The following SUPT7L variants were observed in gnomAD, a reference collection of about 807,000 sequenced individuals.
SUPT7L encodes STAGA complex 65 subunit gamma.
In SUPT7L, 15 loss-of-function variants were observed where a neutral mutation model predicts 35.7. That is an observed-to-expected ratio of 0.42 (90% CI 0.28 to 0.65). The LOEUF is 0.65. SUPT7L is among the 30% of genes least tolerant of loss of function. The pLI is 0.23. For missense variants in SUPT7L, 434 were observed against 522.2 expected (o/e 0.83, Z 1.65); for synonymous variants, 168 against 186.2 (o/e 0.90, Z 0.79).
the SUPT7L span, among the ~76,000 whole-genome samples, chr2:27,645,294 C>G: frequency 1.3e-5 from 2 of 151,986 alleles, no homozygotes; most frequent in Non-Finnish European, 2.9e-5. Context: ...TTTTAACTTG[C>G]TTTGGTGAGC....
chr2:27,655,060 C>T (rs192340489), intron 5 of SUPT7L, among the ~76,000 whole-genome samples: 94 of 152,348 alleles, frequency 6.2e-4, no homozygotes, highest in African/African-American at 2.2e-3. Context: ...AAGGGGATAT[C>T]TTCCCAACCA....
At chr2:27,655,220 G>T in intron 5 of SUPT7L, 145 bp downstream of exon 5, 1 of 640,562 alleles carries the variant, frequency 1.6e-6, no homozygotes, top group Non-Finnish European at 2.7e-6. Flanking sequence ...TCTCTAGATA[G>T]GTGAAACTGT....
At chr2:27,644,855 G>A in the SUPT7L span, among the ~76,000 whole-genome samples, 3 of 149,562 alleles carry the variant, frequency 2.0e-5, no homozygotes, top group African/African-American at 4.9e-5. Flanking sequence ...TTGTAACAGC[G>A]ATTTGAGATG....
downstream of SUPT7L, chr2:27,650,652 GA>G: frequency 6.5e-6 from 1 of 154,286 alleles, no homozygotes; most frequent in Non-Finnish European, 1.4e-5. Flanking sequence ...AGCAGCCAAG[GA>G]AAAGGGAAAC....
At chr2:27,647,944 G>C, downstream of SUPT7L, 1 of 1,573,230 alleles carries the variant, frequency 6.4e-7, no homozygotes, top group African/African-American at 1.3e-5. Context: ...GACCACAGAG[G>C]TGAGAGGTGG....
Position 27,653,707 on chromosome 2 carries a change from A to G in SUPT7L, c.1023T>C (p.His341=), listed in dbSNP as rs1674663378. Residue 341 remains histidine (H), a synonymous_variant, in exon 6 of 6, where the codon CAT becomes CAC. Transcript: ENST00000337768. ...CACTTTCTTGAGGCTCCATTTTCAC[A>G]TGGGCCAGATTCCAAAGAGGAGAAG... ...VNASPLWNLA[H]VKMEPQESEE... is the part of the protein sequence containing the mutation. 1.9e-6 allele frequency: 3 copies of G among 1,614,198 alleles called. No individual in the cohort carries two copies. Among genetic ancestry groups the G allele is most frequent in the Non-Finnish European group, 2.5e-6 (3 of 1,180,038 alleles).
downstream of SUPT7L, among the ~76,000 whole-genome samples, chr2:27,649,445 AATAT>A (rs35605899): frequency 0.17 from 25,785 of 151,960 alleles, 2,636 homozygotes; most frequent in East Asian, 0.33. Context: ...AGCTTTAATA[AATAT>A]ATACTTTCTT....
intron 4 of SUPT7L, among the ~76,000 whole-genome samples, chr2:27,655,867 A>C (rs372745713): frequency 2.0e-5 from 3 of 152,318 alleles, no homozygotes; most frequent in East Asian, 3.9e-4. Context: ...ACTGGGACAA[A>C]AGATTACATT....
chr2:27,663,423 C>CACAG lies in SUPT7L; in HGVS notation c.-188_-185dup, dbSNP rs1212556584. 1 of 247,344 alleles carries CACAG rather than the reference C, an allele frequency of 4.0e-6. No homozygotes were observed. Among genetic ancestry groups the CACAG allele is most frequent in the African/African-American group, 2.2e-5 (1 of 44,490 alleles). 15.3% of individuals were successfully genotyped at this position (247,344 alleles called of 1,614,324 possible). On this transcript the variant is annotated 5_prime_UTR_variant, in exon 1 of 6. Coordinates refer to ENST00000337768, the MANE Select transcript of SUPT7L (RefSeq NM_014860.3). The stretch of plus-strand genomic sequence containing the variant: ...ACGGTCCGCCGGCGCAGGCGCCAAT[C>CACAG]ACAGGGTCCTGAGGTCGCCTGACGT...
chr2:27,657,300 G>A lies in SUPT7L; in HGVS notation c.744+45C>T, dbSNP rs1324368230. 8.8e-6 allele frequency: 14 copies of A among 1,588,410 alleles called. No individual in the cohort carries two copies. Among genetic ancestry groups the A allele is most frequent in the Non-Finnish European group, 1.2e-5 (14 of 1,164,420 alleles). ...TGTGGGATCCTGCTGAACACTCCGA[G>A]ATTGCACAGACATCTGTGCCCACTT... On this transcript the variant is annotated intron_variant, in intron 4 of 5. Coordinates refer to ENST00000337768, the MANE Select transcript of SUPT7L (RefSeq NM_014860.3). This position sits in a 1 kb window ranked among gnomAD's most constrained non-coding sequence, Gnocchi z 5.2.
Position 27,662,188 on chromosome 2 carries a change from T to A in SUPT7L, c.5A>T (p.Asn2Ile), listed in dbSNP as rs373802691. Residue 2 changes from asparagine to isoleucine, a missense_variant, in exon 2 of 6, where the codon AAT becomes ATT. Transcript: ENST00000337768. M[N>I]LQRYWGEIPI... ...TCTGGTTTCAACTCACCTTTGCAGA[T>A]TCATTGTCCATATGTCTCTTCAAGT... 1.3e-5 allele frequency: 21 copies of A among 1,614,012 alleles called. No homozygotes were observed. In the African/African-American group the frequency reaches 2.3e-4, roughly 17 times the overall value.
At position 27,657,672 on chromosome 2, in the gene SUPT7L, G is replaced by C. The variant is rs1558499886; in HGVS notation, c.420-3C>G. ...CAGTCACAGGTTCCCCTTTCCCACT[G>C]AAAGTGGAGATACGGTGGTGTTATT... On this transcript the variant is annotated splice_polypyrimidine_tract_variant and splice_region_variant and intron_variant, in intron 3 of 5. Transcript: ENST00000337768. The surrounding 1 kb of genome is among the most constrained non-coding windows in gnomAD (Gnocchi z 5.2). The C allele has an allele frequency of 1.2e-6, 2 of 1,609,356 alleles. No homozygotes were observed. Among genetic ancestry groups the C allele is most frequent in the Non-Finnish European group, 1.7e-6 (2 of 1,176,956 alleles).
the SUPT7L span, among the ~76,000 whole-genome samples, chr2:27,644,569 T>C: frequency 6.6e-6 from 1 of 152,114 alleles, no homozygotes; most frequent in African/African-American, 2.4e-5. Context: ...TGTCTGGTTT[T>C]ATTTTCTAAA....
In SUPT7L at chr2:27,657,436, T is replaced by TTG. The variant is rs1323408781; in HGVS notation, c.652_653insCA (p.Gln218ProfsTer57). 5 of 1,614,150 alleles carry TTG rather than the reference T, an allele frequency of 3.1e-6. No homozygotes were observed. The highest frequency in any genetic ancestry group is 4.2e-6 in the Non-Finnish European group (5 of 1,180,056). Reference sequence around the variant, plus strand: ...GCCAATACCCACTTCATGGAATACCTGCTCCATCACATCAGGAAAAGGAGT... The same window carrying TTG: ...GCCAATACCCACTTCATGGAATACCTTGGCTCCATCACATCAGGAAAAGGAGT... On this transcript the variant is annotated frameshift_variant, in exon 4 of 6. Transcript: ENST00000337768. LOFTEE classifies it high-confidence loss of function. The surrounding 1 kb of genome is among the most constrained non-coding windows in gnomAD (Gnocchi z 5.2).
rs67005079 is a variant in SUPT7L at position 27,652,174 on chromosome 2, TAA to T, written c.*1309_*1310del. 1 of 151,308 alleles carries T rather than the reference TAA, an allele frequency of 6.6e-6. No individual in the cohort carries two copies. The highest frequency in any genetic ancestry group is 2.4e-5 in the African/African-American group (1 of 41,088). 9.4% of individuals were successfully genotyped at this position (151,308 alleles called of 1,614,324 possible). On this transcript the variant is annotated 3_prime_UTR_variant, in exon 6 of 6. Coordinates refer to ENST00000337768, the MANE Select transcript of SUPT7L (RefSeq NM_014860.3). ...AAAATAAATAAATAAATAAATAAAT[TAA>T]AAAAAAGACTGTGACAGAAAGGGTT...
downstream of SUPT7L, chr2:27,650,139 C>A (rs1338242122): frequency 6.2e-7 from 1 of 1,605,378 alleles, no homozygotes; most frequent in Admixed American, 1.7e-5. Context: ...CATGAAGAGC[C>A]AGCATTCCAG....
At position 27,657,200 on chromosome 2, in the gene SUPT7L, C is replaced by T. The variant is rs1310002852; in HGVS notation, c.744+145G>A. ...ACCCATGGTATTTGGCCAGGAACAT[C>T]GCTAGGGCCATCATAAAAGTATGTT... On this transcript the variant is annotated intron_variant, in intron 4 of 5. Transcript: ENST00000337768. This position sits in a 1 kb window ranked among gnomAD's most constrained non-coding sequence, Gnocchi z 5.2. The T allele has an allele frequency of 2.5e-5, 22 of 892,936 alleles. No individual in the cohort carries two copies. Among genetic ancestry groups the T allele is most frequent in the Non-Finnish European group, 3.5e-5 (21 of 601,238 alleles). 55.3% of individuals were successfully genotyped at this position (892,936 alleles called of 1,614,324 possible).
chr2:27,649,672 G>A (rs932211314), downstream of SUPT7L, among the ~76,000 whole-genome samples: 1 of 152,106 alleles, frequency 6.6e-6, no homozygotes, highest in African/African-American at 2.4e-5. Context: ...CAGTAGTGTA[G>A]TCTCTCCATG....
chr2:27,662,623 T>C (rs1403917845), intron 1 of SUPT7L, among the ~76,000 whole-genome samples: 1 of 152,216 alleles, frequency 6.6e-6, no homozygotes, highest in Non-Finnish European at 1.5e-5. Flanking sequence ...TTTGCAAGTC[T>C]ATGTCACAGC....
Sources: allele counts gnomAD v4.1 joint callset (sites outside exome capture counted in the v4.1 genomes callset), GRCh38; gene constraint gnomAD v4.1.1; non-coding constraint Gnocchi (gnomAD v3.1); transcripts MANE v1.5; gene names NCBI Gene and HGNC (gene_info 2026-07-23, HGNC 2026-07-21).